PTPRD: variants seen among roughly 807,000 people sequenced by gnomAD.
PTPRD encodes receptor-type tyrosine-protein phosphatase delta.
A neutral mutation model predicts 214.5 loss-of-function variants in PTPRD; 34 were observed. The observed-to-expected ratio is 0.16, with a 90% CI of 0.12 to 0.21. The LOEUF (loss-of-function observed/expected upper bound fraction) is 0.21, where lower values mean the gene tolerates loss of function less well. Among genes scored for constraint, PTPRD ranks in the 10% least tolerant of loss-of-function variants. The pLI, the probability that PTPRD is intolerant of heterozygous loss-of-function variation, is 1.00. For missense variants in PTPRD, 2,545 were observed against 2,398.7 expected (o/e 1.06, Z -1.27); for synonymous variants, 1,128 against 845.7 (o/e 1.33, Z -5.79).
At chr9:9,487,674 CATG>C (rs1474834259) in intron 8 of PTPRD, among the ~76,000 whole-genome samples, 1 of 152,068 alleles carries the variant, frequency 6.6e-6, no homozygotes. Context: ...ATTGTAGAAA[CATG>C]ATAATTAAAA....
In PTPRD at chr9:10,068,296, G is replaced by A. The variant is rs575169576; in HGVS notation, c.-544-34506C>T. On this transcript the variant is annotated intron_variant, in intron 3 of 45. Transcript: ENST00000381196. ...AAAAGCCTTTATCTTTCAGGAACTT[G>A]GCCTTTTCATCATGAAAATGAATAT... is the stretch of plus-strand genomic sequence containing the variant. 2.6e-5 allele frequency among the ~76,000 whole-genome samples: 4 copies of A among 151,932 alleles called. No homozygotes were observed. In the South Asian group the frequency reaches 8.3e-4, roughly 32 times the overall value.
chr9:8,423,849 G>C (rs989762823), intron 35 of PTPRD, among the ~76,000 whole-genome samples: 1 of 151,926 alleles, frequency 6.6e-6, no homozygotes, highest in African/African-American at 2.4e-5. Flanking sequence ...TATTTACCTA[G>C]ATCAAGATCA....
chr9:10,317,812 T>C (rs1475318605), intron 3 of PTPRD, among the ~76,000 whole-genome samples: 8 of 152,068 alleles, frequency 5.3e-5, no homozygotes, highest in Non-Finnish European at 1.5e-5. Flanking sequence ...CGTCTGACTA[T>C]TCTACTTACA....
chr9:8,734,314 C>T (rs1267692986), intron 11 of PTPRD, among the ~76,000 whole-genome samples: 1 of 152,208 alleles, frequency 6.6e-6, no homozygotes. Flanking sequence ...CAAAGAAGCA[C>T]ACCAGTGCTA....
chr9:8,987,690 G>A (rs1397786333), intron 11 of PTPRD, among the ~76,000 whole-genome samples: 2 of 152,056 alleles, frequency 1.3e-5, no homozygotes, highest in African/African-American at 4.8e-5. Flanking sequence ...GAATGTGGAA[G>A]TCATTTAACA....
chr9:10,541,554 A>G (rs1290209454), intron 2 of PTPRD, among the ~76,000 whole-genome samples: 1 of 151,848 alleles, frequency 6.6e-6, no homozygotes, highest in Non-Finnish European at 1.5e-5. Context: ...TATATAATAC[A>G]CAAATAAAAA....
intron 7 of PTPRD, among the ~76,000 whole-genome samples, chr9:9,726,394 A>G (rs2098091631): frequency 6.6e-6 from 1 of 152,172 alleles, no homozygotes; most frequent in African/African-American, 2.4e-5. Flanking sequence ...AGGTGGCCAT[A>G]AGCAGGACAG....
rs373833130 is a variant in PTPRD, at chr9:9,144,482, G to A, written c.-143+38822C>T. Among the ~76,000 whole-genome samples, 50 of 152,214 alleles carry A rather than the reference G, an allele frequency of 3.3e-4. 1 individual carries two copies. Among genetic ancestry groups the A allele is most frequent in the African/African-American group, 1.2e-3 (49 of 41,536 alleles). On this transcript the variant is annotated intron_variant, in intron 10 of 45. Transcript: ENST00000381196. ...TGAAAACATTCTTTAGGCCGGGTGC[G>A]GTGACCCATGCCTGTAATCCTAGTG...
chr9:8,841,650 C>A (rs1486197124), intron 11 of PTPRD, among the ~76,000 whole-genome samples: 1 of 151,918 alleles, frequency 6.6e-6, no homozygotes, highest in African/African-American at 2.4e-5. Context: ...CTTTCAGAAA[C>A]CTGTTTTTGT....
chr9:8,719,405 A>G (rs1048540985), intron 12 of PTPRD, among the ~76,000 whole-genome samples: 11 of 152,222 alleles, frequency 7.2e-5, no homozygotes, highest in African/African-American at 2.4e-4. Flanking sequence ...AAACATTACT[A>G]ACAAAGCAAA....
chr9:9,135,403 G>A (rs369499836), intron 10 of PTPRD, among the ~76,000 whole-genome samples: 11 of 152,098 alleles, frequency 7.2e-5, no homozygotes, highest in Non-Finnish European at 1.3e-4. Context: ...AGCCCAAATC[G>A]ATGTGTGTAT....
Position 9,678,772 on chromosome 9 carries a change from A to G in PTPRD, c.-287+55761T>C, listed in dbSNP as rs532522244. 3.9e-4 allele frequency among the ~76,000 whole-genome samples: 60 copies of G among 152,002 alleles called. 1 individual carries two copies. The highest frequency in any genetic ancestry group is 2.3e-3 in the Admixed American group (35 of 15,230). On this transcript the variant is annotated intron_variant, in intron 7 of 45. Transcript: ENST00000381196. ...TAAACTTTAAGACAACTGTATGTAT[A>G]AAAAGAAGAAAAACTACCACATTCC...
chr9:9,728,415 C>A (rs1564813916), intron 7 of PTPRD, among the ~76,000 whole-genome samples: 1 of 151,992 alleles, frequency 6.6e-6, no homozygotes, highest in Non-Finnish European at 1.5e-5. Flanking sequence ...GATCTCTAGT[C>A]CTATGTGTGA....
intron 11 of PTPRD, among the ~76,000 whole-genome samples, chr9:8,875,683 G>A (rs539778236): frequency 6.6e-6 from 1 of 152,232 alleles, no homozygotes; most frequent in Admixed American, 6.5e-5. Flanking sequence ...TCAATAATAA[G>A]CATCACCTCA....
chr9:8,504,712 T>C (rs979971558), intron 22 of PTPRD, among the ~76,000 whole-genome samples: 1 of 152,204 alleles, frequency 6.6e-6, no homozygotes, highest in African/African-American at 2.4e-5. Context: ...ATGAGTATGT[T>C]CTGCCGTTAA....
chr9:8,705,235 G>A (rs2098179756), intron 12 of PTPRD, among the ~76,000 whole-genome samples: 1 of 151,970 alleles, frequency 6.6e-6, no homozygotes, highest in African/African-American at 2.4e-5. Flanking sequence ...CTGTTGTTTT[G>A]TTTTTTGAGA....
intron 2 of PTPRD, among the ~76,000 whole-genome samples, chr9:10,471,983 A>T (rs2099034023): frequency 6.6e-6 from 1 of 152,108 alleles, no homozygotes; most frequent in African/African-American, 2.4e-5. Flanking sequence ...TTTATGCCTC[A>T]TGTTTAAAAT....
rs892760977 is a variant in PTPRD, at chr9:8,660,780, C to A, written c.65-23936G>T. 2.9e-4 allele frequency among the ~76,000 whole-genome samples: 44 copies of A among 152,250 alleles called. 1 individual carries two copies. Among genetic ancestry groups the A allele is most frequent in the Admixed American group, 2.6e-3 (39 of 15,284 alleles). On this transcript the variant is annotated intron_variant, in intron 12 of 45. Transcript: ENST00000381196. ...AAGTAAGGTTTTATATACAAGGACT[C>A]TTGACTTTCCACTTACTCTTTACCT...
intron 7 of PTPRD, among the ~76,000 whole-genome samples, chr9:9,724,675 T>C (rs1420531367): frequency 6.6e-6 from 1 of 152,162 alleles, no homozygotes; most frequent in Admixed American, 6.6e-5. Flanking sequence ...ATGAAGGTGA[T>C]AAAAATGATA....
Sources: gnomAD v4.1 joint callset for allele counts (sites outside exome capture counted in the v4.1 genomes callset) on GRCh38, gnomAD v4.1.1 for gene constraint, MANE v1.5 for transcripts, NCBI Gene and HGNC (gene_info 2026-07-23, HGNC 2026-07-21) for gene names.